Variants in MEMO1 observed in about 807,000 individuals in gnomAD.
The protein encoded by MEMO1 is mediator of cell motility 1, also known as protein MEMO1.
In MEMO1, 6 loss-of-function variants were observed where a neutral mutation model predicts 45.2. The ratio of observed to expected loss-of-function variants is 0.13; its 90% CI spans 0.07 to 0.26. The LOEUF (loss-of-function observed/expected upper bound fraction) is 0.26, where lower values mean the gene tolerates loss of function less well. MEMO1 is among the 10% of genes least tolerant of loss of function. The probability of loss-of-function intolerance (pLI) is 1.00; values close to 1 mark genes in which losing one functional copy is unlikely to be tolerated. For synonymous variants in MEMO1, 78 were observed against 124.3 expected (o/e 0.63, Z 2.48); for missense variants, 184 against 370.5 (o/e 0.50, Z 4.13).
At chr2:31,964,576 C>T (rs1668392369) in intron 2 of MEMO1, among the ~76,000 whole-genome samples, 1 of 152,056 alleles carries the variant, frequency 6.6e-6, no homozygotes, top group South Asian at 2.1e-4. Flanking sequence ...TGGCGCATGG[C>T]TGTAATCCCA....
At chr2:31,972,319 C>T (rs923990075) in intron 2 of MEMO1, among the ~76,000 whole-genome samples, 1 of 151,990 alleles carries the variant, frequency 6.6e-6, no homozygotes, top group Non-Finnish European at 1.5e-5. Flanking sequence ...AAAAACATAC[C>T]AAATTAAGAA....
In MEMO1 at chr2:31,940,351, A is replaced by C. The variant is rs75683915; in HGVS notation, c.143+2951T>G. ...AGCCAGCTGCCCATTCTAAATCTCC[A>C]TTTGGATATCTAATAAGCACCTCAA... is the stretch of plus-strand genomic sequence containing the variant. On this transcript the variant is annotated intron_variant, in intron 3 of 9. Coordinates refer to ENST00000404530, the MANE Select transcript of MEMO1 (RefSeq NM_001301833.4). Among the ~76,000 whole-genome samples, 29 of 152,230 alleles carry C rather than the reference A, an allele frequency of 1.9e-4. No homozygotes were observed. In the East Asian group the frequency reaches 5.2e-3, roughly 27 times the overall value.
chr2:31,994,723 G>A (rs1043207735), intron 2 of MEMO1, among the ~76,000 whole-genome samples: 9 of 152,062 alleles, frequency 5.9e-5, no homozygotes, highest in East Asian at 5.8e-4. Context: ...CAAGGCAGGC[G>A]GATCACTTGA....
rs1287850374 is a variant in MEMO1, at chr2:32,006,147, TA to T, written c.61+4039del. Reference sequence around the variant, plus strand: ...TCATAGAGATAGGAAGATGGCAAGTTATGAGGGGACTTAGACCTTAACCAAG... The same window carrying T: ...TCATAGAGATAGGAAGATGGCAAGTTTGAGGGGACTTAGACCTTAACCAAG... On this transcript the variant is annotated intron_variant, in intron 2 of 9. Coordinates refer to ENST00000404530, the MANE Select transcript of MEMO1 (RefSeq NM_001301833.4). Among the ~76,000 whole-genome samples, 21 of 152,292 alleles carry T rather than the reference TA, an allele frequency of 1.4e-4. No homozygotes were observed. In the East Asian group the frequency reaches 4.0e-3, roughly 29 times the overall value.
chr2:31,980,559 T>C (rs1358921032), intron 2 of MEMO1, among the ~76,000 whole-genome samples: 1 of 152,242 alleles, frequency 6.6e-6, no homozygotes, highest in South Asian at 2.1e-4. Flanking sequence ...TCATTTCACA[T>C]GGCTTCCTAT....
chr2:31,935,413 C>CTCAGATTTCGTGGTT (rs1380443266), intron 3 of MEMO1, among the ~76,000 whole-genome samples: 4 of 152,132 alleles, frequency 2.6e-5, no homozygotes, highest in Non-Finnish European at 5.9e-5. Flanking sequence ...AATAATGGAA[C>CTCAGATTTCGTGGTT]TCAGATTTCG....
intron 8 of MEMO1, among the ~76,000 whole-genome samples, chr2:31,874,564 C>G (rs1674278329): frequency 1.3e-5 from 2 of 151,862 alleles, no homozygotes; most frequent in African/African-American, 4.8e-5. Flanking sequence ...CTTGTAATAA[C>G]TATATTTAGT....
chr2:31,911,526 T>C (rs1680565985), intron 6 of MEMO1, among the ~76,000 whole-genome samples: 1 of 152,204 alleles, frequency 6.6e-6, no homozygotes, highest in Admixed American at 6.5e-5. Context: ...CTATAGACTT[T>C]AGTTAATATA....
chr2:31,938,603 G>A (rs920670209), intron 3 of MEMO1, among the ~76,000 whole-genome samples: 2 of 151,698 alleles, frequency 1.3e-5, no homozygotes, highest in Non-Finnish European at 2.9e-5. Flanking sequence ...AGCTGAGATC[G>A]CGCCACTGCA....
chr2:31,886,174 T>C (rs993462674), intron 7 of MEMO1, among the ~76,000 whole-genome samples: 1 of 152,180 alleles, frequency 6.6e-6, no homozygotes, highest in East Asian at 1.9e-4. Flanking sequence ...CTATAAATAT[T>C]TGAAGGACTC....
chr2:31,967,626 T>C (rs1668790654), intron 2 of MEMO1, among the ~76,000 whole-genome samples: 1 of 152,016 alleles, frequency 6.6e-6, no homozygotes, highest in Admixed American at 6.6e-5. Flanking sequence ...TTATTTTTTG[T>C]AGAGACAAGG....
At chr2:32,006,857 C>G (rs1444426463) in intron 2 of MEMO1, among the ~76,000 whole-genome samples, 4 of 150,358 alleles carry the variant, frequency 2.7e-5, no homozygotes, top group Admixed American at 1.3e-4. Flanking sequence ...CTCAGCTACT[C>G]AGGAGGCTGA....
At chr2:31,901,014 A>AGT (rs757960803) in intron 6 of MEMO1, among the ~76,000 whole-genome samples, 7 of 152,228 alleles carry the variant, frequency 4.6e-5, no homozygotes, top group Non-Finnish European at 8.8e-5. Context: ...AATGTTCAAT[A>AGT]GTTTATCAAC....
At position 31,952,243 on chromosome 2, in the gene MEMO1, A is replaced by G. The variant is rs144384828; in HGVS notation, c.62-8860T>C. On this transcript the variant is annotated intron_variant, in intron 2 of 9. Coordinates refer to ENST00000404530, the MANE Select transcript of MEMO1 (RefSeq NM_001301833.4). Reference sequence around the variant, plus strand: ...ATCTTGGATTCCTTACTATCTACTAATTTATGTAAATATTTTAAGTATTTA... The same window carrying G: ...ATCTTGGATTCCTTACTATCTACTAGTTTATGTAAATATTTTAAGTATTTA... Among the ~76,000 whole-genome samples the G allele has an allele frequency of 4.2e-4, 64 of 152,286 alleles. No individual in the cohort carries two copies. The East Asian group carries it at 0.012, about 28-fold the overall frequency.
intron 2 of MEMO1, among the ~76,000 whole-genome samples, chr2:31,981,116 C>T (rs1287114095): frequency 6.6e-6 from 1 of 152,168 alleles, no homozygotes; most frequent in African/African-American, 2.4e-5. Context: ...GAATCATATA[C>T]AGAGTTTTAG....
chr2:31,903,251 A>G (rs538067470), intron 6 of MEMO1, among the ~76,000 whole-genome samples: 2 of 152,302 alleles, frequency 1.3e-5, no homozygotes, highest in African/African-American at 4.8e-5. Flanking sequence ...CAGTCCCAGT[A>G]TCTTAAGATG....
At chr2:31,931,984 T>C (rs993996893) in intron 4 of MEMO1, 83 bp downstream of exon 4, 9 of 1,180,784 alleles carry the variant, frequency 7.6e-6, no homozygotes, top group East Asian at 2.4e-5. Context: ...ATAATAACAA[T>C]AAGTATAAAA....
In MEMO1 at chr2:31,961,280, C is replaced by A. The variant is rs190931735; in HGVS notation, c.62-17897G>T. ...GGCTGAGGCAGGAGAACTGCTTGAA[C>A]CTGGGAGGCAGAGGTTGTAGTGAGC... On this transcript the variant is annotated intron_variant, in intron 2 of 9. Coordinates refer to ENST00000404530, the MANE Select transcript of MEMO1 (RefSeq NM_001301833.4). Among the ~76,000 whole-genome samples, 567 of 152,142 alleles carry A rather than the reference C, an allele frequency of 3.7e-3. 5 individuals carry two copies. Among genetic ancestry groups the A allele is most frequent in the African/African-American group, 0.013 (558 of 41,526 alleles).
intron 7 of MEMO1, among the ~76,000 whole-genome samples, chr2:31,888,860 C>T (rs967685965): frequency 1.3e-5 from 2 of 151,970 alleles, no homozygotes; most frequent in Non-Finnish European, 2.9e-5. Flanking sequence ...CCTGTCTCTC[C>T]CTTGGCTTAA....
Sources: gnomAD v4.1 joint callset for allele counts (sites outside exome capture counted in the v4.1 genomes callset) on GRCh38, gnomAD v4.1.1 for gene constraint, MANE v1.5 for transcripts, NCBI Gene and HGNC (gene_info 2026-07-23, HGNC 2026-07-21) for gene names.